Variants in ERBB4 observed in about 807,000 individuals in gnomAD.
ERBB4 encodes erb-b2 receptor tyrosine kinase 4.
Under a neutral mutation model 158.0 loss-of-function variants are expected in ERBB4, and 42 were observed. The ratio of observed to expected loss-of-function variants is 0.27; its 90% CI spans 0.21 to 0.34. The LOEUF is 0.34. ERBB4 is among the 10% of genes least tolerant of loss of function. The pLI, the probability that ERBB4 is intolerant of heterozygous loss-of-function variation, is 1.00. For synonymous variants in ERBB4, 583 were observed against 558.7 expected (o/e 1.04, Z -0.61); for missense variants, 1,333 against 1,624.1 (o/e 0.82, Z 3.08).
At chr2:212,247,108 A>C (rs531640582) in intron 1 of ERBB4, among the ~76,000 whole-genome samples, 2 of 152,292 alleles carry the variant, frequency 1.3e-5, no homozygotes, top group Admixed American at 1.3e-4. Context: ...AGAGAAGGCA[A>C]AATAAAGTGA....
chr2:211,906,512 A>T (rs2079396672), intron 3 of ERBB4, among the ~76,000 whole-genome samples: 2 of 151,918 alleles, frequency 1.3e-5, no homozygotes, highest in South Asian at 4.1e-4. Context: ...GTTTAAAAGA[A>T]GAAAGTATAA....
intron 1 of ERBB4, among the ~76,000 whole-genome samples, chr2:212,497,052 C>A (rs1212657179): frequency 1.3e-5 from 2 of 151,672 alleles, no homozygotes; most frequent in African/African-American, 4.8e-5. Context: ...GTGGCATGCG[C>A]CTGTAATCCC....
rs974750371 is a variant in ERBB4 at position 211,487,075 on chromosome 2, C to T, written c.2488-55975G>A. Among the ~76,000 whole-genome samples the T allele has an allele frequency of 1.1e-4, 17 of 151,216 alleles. 1 individual carries two copies. Among genetic ancestry groups the T allele is most frequent in the Non-Finnish European group, 1.5e-4 (10 of 67,900 alleles). ...GGTTTGTTACATATGTATACATGTGCCACGTTGGTGTGCTGCACCCATTAA... is the reference window on the plus strand; with the variant it reads ...GGTTTGTTACATATGTATACATGTGTCACGTTGGTGTGCTGCACCCATTAA... On this transcript the variant is annotated intron_variant, in intron 20 of 27. Transcript: ENST00000342788.
At chr2:211,775,371 T>G (rs540748099) in intron 4 of ERBB4, among the ~76,000 whole-genome samples, 36 of 152,342 alleles carry the variant, frequency 2.4e-4, no homozygotes, top group African/African-American at 8.2e-4. Context: ...GCTTTTTTAG[T>G]GCTTGATATA....
At chr2:212,498,946 G>A (rs1288397514) in intron 1 of ERBB4, among the ~76,000 whole-genome samples, 1 of 151,950 alleles carries the variant, frequency 6.6e-6, no homozygotes, top group African/African-American at 2.4e-5. Context: ...TGGACAAGTG[G>A]ATCTGAGTAA....
chr2:211,948,955 A>C (rs2080792128), intron 2 of ERBB4, among the ~76,000 whole-genome samples: 1 of 145,698 alleles, frequency 6.9e-6, no homozygotes, highest in South Asian at 2.2e-4. Flanking sequence ...CAATGGCTGA[A>C]CTCTTTTCTT....
chr2:212,246,342 G>A (rs1489492089), intron 1 of ERBB4, among the ~76,000 whole-genome samples: 1 of 152,156 alleles, frequency 6.6e-6, no homozygotes, highest in Non-Finnish European at 1.5e-5. Context: ...ACTAATAAAT[G>A]TGCATGAGGT....
At chr2:211,720,928 G>C (rs2074070901) in intron 7 of ERBB4, among the ~76,000 whole-genome samples, 1 of 152,100 alleles carries the variant, frequency 6.6e-6, no homozygotes, top group Admixed American at 6.5e-5. Flanking sequence ...ATAGCTGCAG[G>C]CCTTTTTGAC....
At position 211,856,398 on chromosome 2, in the gene ERBB4, T is replaced by TTATC. The variant is rs369296941; in HGVS notation, c.422-68243_422-68240dup. On this transcript the variant is annotated intron_variant, in intron 3 of 27. Coordinates refer to ENST00000342788, the MANE Select transcript of ERBB4 (RefSeq NM_005235.3). The stretch of plus-strand genomic sequence containing the variant: ...TTTATTTATTTATTTATTTATTTAT[T>TTATC]TATCTGAGATGGAGTCTCGCTCTGT... 2.3e-3 allele frequency among the ~76,000 whole-genome samples: 338 copies of TTATC among 145,206 alleles called. 1 individual carries two copies. The highest frequency in any genetic ancestry group is 7.5e-3 in the African/African-American group (290 of 38,770).
chr2:211,966,533 C>T (rs193056016), intron 2 of ERBB4, among the ~76,000 whole-genome samples: 92 of 152,250 alleles, frequency 6.0e-4, no homozygotes, highest in Non-Finnish European at 1.2e-3. Context: ...AGCCACTGCA[C>T]CCGGACTTAA....
intron 20 of ERBB4, among the ~76,000 whole-genome samples, chr2:211,558,047 T>A (rs1322123215): frequency 1.3e-5 from 2 of 152,168 alleles, no homozygotes; most frequent in Non-Finnish European, 2.9e-5. Flanking sequence ...TTAGCACTTA[T>A]ACAGGGGAGC....
At chr2:211,743,316 T>C (rs1458303896) in intron 5 of ERBB4, among the ~76,000 whole-genome samples, 1 of 152,110 alleles carries the variant, frequency 6.6e-6, no homozygotes, top group East Asian at 1.9e-4. Flanking sequence ...ACTGTAATGT[T>C]TGGATATATG....
intron 2 of ERBB4, among the ~76,000 whole-genome samples, chr2:212,005,007 A>C (rs2076226736): frequency 6.6e-6 from 1 of 152,148 alleles, no homozygotes; most frequent in African/African-American, 2.4e-5. Context: ...TTGTTTCTCT[A>C]ATATAAGCTA....
intron 3 of ERBB4, among the ~76,000 whole-genome samples, chr2:211,868,337 A>T (rs577073110): frequency 6.6e-6 from 1 of 152,336 alleles, no homozygotes; most frequent in African/African-American, 2.4e-5. Context: ...GCTATCCTTT[A>T]ACAATGCTTC....
chr2:211,721,333 A>G (rs1448797265), intron 7 of ERBB4, among the ~76,000 whole-genome samples: 1 of 151,398 alleles, frequency 6.6e-6, no homozygotes, highest in Non-Finnish European at 1.5e-5. Context: ...AGTAAGTCAC[A>G]TTATATGTAT....
chr2:211,646,811 A>C (rs2070794972), intron 16 of ERBB4, among the ~76,000 whole-genome samples: 1 of 151,654 alleles, frequency 6.6e-6, no homozygotes, highest in African/African-American at 2.4e-5. Flanking sequence ...GCAAACCACA[A>C]CCTGCTATTT....
chr2:211,388,042 A>G (rs747881268), intron 25 of ERBB4, 50 bp from the exon 26 acceptor site: 1 of 1,343,910 alleles, frequency 7.4e-7, no homozygotes, highest in Non-Finnish European at 1.1e-6. Flanking sequence ...GGCAATATGA[A>G]TGAAAAAATT....
At chr2:211,695,355 G>A (rs2072974302) in intron 12 of ERBB4, among the ~76,000 whole-genome samples, 1 of 151,966 alleles carries the variant, frequency 6.6e-6, no homozygotes. Flanking sequence ...AAAAACCAGA[G>A]ATAAATATAA....
chr2:211,405,198 T>TA (rs1305061124), intron 25 of ERBB4, among the ~76,000 whole-genome samples: 3 of 152,128 alleles, frequency 2.0e-5, no homozygotes, highest in Non-Finnish European at 4.4e-5. Context: ...GATTCCGTGA[T>TA]ATGCTATGTT....
Sources: allele counts gnomAD v4.1 joint callset (sites outside exome capture counted in the v4.1 genomes callset), GRCh38; gene constraint gnomAD v4.1.1; transcripts MANE v1.5; gene names NCBI Gene and HGNC (gene_info 2026-07-23, HGNC 2026-07-21).